The following LRRC37A2 variants were observed in gnomAD, a reference collection of about 807,000 sequenced individuals.
The protein encoded by LRRC37A2 is leucine-rich repeat-containing protein 37A2.
Under a neutral mutation model 68.8 loss-of-function variants are expected in LRRC37A2, and 9 were observed. That is an observed-to-expected ratio of 0.13 (90% confidence interval 0.08 to 0.23). The LOEUF (loss-of-function observed/expected upper bound fraction) is 0.23, where lower values mean the gene tolerates loss of function less well. Ranked by LOEUF, LRRC37A2 falls within the 10% of genes least tolerant of loss-of-function variation. LRRC37A2 has a pLI of 1.00. For missense variants in LRRC37A2, 168 were observed against 950.4 expected (o/e 0.18, Z 10.82); for synonymous variants, 63 against 367.6 (o/e 0.17, Z 9.48).
the LRRC37A2 span, among the ~76,000 whole-genome samples, chr17:46,962,328 C>CAAA: frequency 1.8e-3 from 252 of 139,330 alleles, 3 homozygotes; most frequent in East Asian, 0.026. Flanking sequence ...GACTCCATCT[C>CAAA]AAAAAAAAAA....
the LRRC37A2 span, among the ~76,000 whole-genome samples, chr17:46,970,563 C>CA: frequency 7.5e-6 from 1 of 132,950 alleles, no homozygotes; most frequent in Non-Finnish European, 1.6e-5. Context: ...AAAAAAAACT[C>CA]AAGACAGCAG....
At chr17:46,743,782 T>C in the LRRC37A2 span, among the ~76,000 whole-genome samples, 6 of 152,198 alleles carry the variant, frequency 3.9e-5, no homozygotes, top group African/African-American at 1.4e-4. Flanking sequence ...AACCCTCTTC[T>C]CCATCACAGG....
the LRRC37A2 span, among the ~76,000 whole-genome samples, chr17:46,746,226 A>G: frequency 6.6e-6 from 1 of 152,192 alleles, no homozygotes; most frequent in Non-Finnish European, 1.5e-5. Flanking sequence ...AATAATGATT[A>G]CCCTTTAATC....
chr17:46,825,628 C>A, the LRRC37A2 span, among the ~76,000 whole-genome samples: 5 of 152,254 alleles, frequency 3.3e-5, no homozygotes, highest in African/African-American at 4.8e-5. Flanking sequence ...GGCAGCTGAG[C>A]ACTGATGAGC....
the LRRC37A2 span, among the ~76,000 whole-genome samples, chr17:46,874,282 C>T: frequency 1.3e-5 from 2 of 152,152 alleles, no homozygotes; most frequent in Non-Finnish European, 2.9e-5. Flanking sequence ...GGGTCTATTC[C>T]ACAGTGGGTA....
At chr17:46,456,210 ATGTGTGTGTGTG>A in the LRRC37A2 span, among the ~76,000 whole-genome samples, 6 of 90,666 alleles carry the variant, frequency 6.6e-5, 1 homozygote, top group South Asian at 5.4e-4. Flanking sequence ...TCCATGGGAT[ATGTGTGTGTGTG>A]TGTGTGTGTG....
At chr17:47,049,002 A>G in the LRRC37A2 span, 1 of 504,820 alleles carries the variant, frequency 2.0e-6, no homozygotes, top group East Asian at 3.7e-5. Context: ...TTCCAAGTAG[A>G]TGGCCGTGTT....
the LRRC37A2 span, among the ~76,000 whole-genome samples, chr17:46,896,325 G>C: frequency 5.6e-5 from 8 of 143,282 alleles, no homozygotes; most frequent in African/African-American, 2.1e-4. Flanking sequence ...GAAAGAAAGA[G>C]AGAAAGAGAG....
chr17:46,897,172 T>C, the LRRC37A2 span, among the ~76,000 whole-genome samples: 4 of 152,196 alleles, frequency 2.6e-5, no homozygotes, highest in Non-Finnish European at 5.9e-5. Context: ...TTGGCTCCTC[T>C]TCCTTTGTTT....
the LRRC37A2 span, among the ~76,000 whole-genome samples, chr17:46,946,282 C>CAAAAAAAAAAAAAA: frequency 7.9e-6 from 1 of 126,688 alleles, no homozygotes; most frequent in Non-Finnish European, 1.6e-5. Flanking sequence ...CTAAAAATAC[C>CAAAAAAAAAAAAAA]AAAAAAAAAA....
chr17:46,534,732 C>T (rs1482615178), intron 6 of LRRC37A2, among the ~76,000 whole-genome samples: 4 of 150,094 alleles, frequency 2.7e-5, no homozygotes, highest in African/African-American at 7.6e-5. Context: ...GACGGGGTGG[C>T]GGCCGGGCAG....
At chr17:46,379,880 T>G in the LRRC37A2 span, among the ~76,000 whole-genome samples, 8 of 43,552 alleles carry the variant, frequency 1.8e-4, 1 homozygote, top group East Asian at 1.8e-3. Flanking sequence ...TTTTTTTTTT[T>G]TTTTTTTTTT....
the LRRC37A2 span, among the ~76,000 whole-genome samples, chr17:46,944,871 A>G: frequency 9.2e-5 from 14 of 152,228 alleles, no homozygotes; most frequent in Middle Eastern, 6.8e-3. Context: ...AAGTGCTGGG[A>G]TTACTGGCAT....
the LRRC37A2 span, chr17:46,936,885 AT>A: frequency 2.1e-6 from 2 of 958,078 alleles, no homozygotes; most frequent in Non-Finnish European, 2.5e-6. Flanking sequence ...CAGAATGTAG[AT>A]TTTGGATTCC....
chr17:46,905,806 G>T, the LRRC37A2 span, among the ~76,000 whole-genome samples: 3 of 110,792 alleles, frequency 2.7e-5, no homozygotes, highest in Non-Finnish European at 4.2e-5. Flanking sequence ...GTGTGTGTGT[G>T]TGTGTGTGCG....
chr17:46,772,628 C>G, the LRRC37A2 span, among the ~76,000 whole-genome samples: 3 of 152,228 alleles, frequency 2.0e-5, no homozygotes, highest in Non-Finnish European at 4.4e-5. Flanking sequence ...TAAACAGAAT[C>G]ATCATCCATT....
the LRRC37A2 span, among the ~76,000 whole-genome samples, chr17:46,657,970 ATT>A: frequency 6.7e-5 from 1 of 14,894 alleles, no homozygotes; most frequent in Non-Finnish European, 1.4e-4. Context: ...TATTTTATTT[ATT>A]TTTTTTTTTT....
chr17:46,851,626 C>T, the LRRC37A2 span: 3 of 1,256,320 alleles, frequency 2.4e-6, no homozygotes, highest in East Asian at 6.6e-5. The surrounding 1 kb of genome is among the most constrained non-coding windows in gnomAD (Gnocchi z 4.3). Context: ...GAGGGCGCAG[C>T]GCCGCCAGCA....
the LRRC37A2 span, among the ~76,000 whole-genome samples, chr17:46,716,548 C>T: frequency 5.3e-5 from 8 of 152,222 alleles, no homozygotes; most frequent in Non-Finnish European, 8.8e-5. Flanking sequence ...TGAGCCACCG[C>T]GCCCGGCCTG....
Sources: allele counts gnomAD v4.1 joint callset (sites outside exome capture counted in the v4.1 genomes callset), GRCh38; gene constraint gnomAD v4.1.1; non-coding constraint Gnocchi (gnomAD v3.1); transcripts MANE v1.5; gene names NCBI Gene and HGNC (gene_info 2026-07-23, HGNC 2026-07-21).